SLC7A2: variants seen among roughly 807,000 people sequenced by gnomAD.
SLC7A2 encodes solute carrier family 7 member 2.
In SLC7A2, 48 loss-of-function variants were observed where a neutral mutation model predicts 58.9. That is an observed-to-expected ratio of 0.82 (90% CI 0.65 to 1.04). The LOEUF is 1.04. SLC7A2 is among the 50% of genes least tolerant of loss of function. The probability of loss-of-function intolerance (pLI) is 0.00; values close to 1 mark genes in which losing one functional copy is unlikely to be tolerated. For missense variants in SLC7A2, 1,029 were observed against 818.8 expected, an observed-to-expected ratio of 1.26 and a Z score of -3.13; for synonymous variants, 363 against 314.5, an observed-to-expected ratio of 1.15 and a Z score of -1.63.
chr8:17,522,749 G>T (rs1801066208), intron 2 of SLC7A2, among the ~76,000 whole-genome samples: 1 of 152,036 alleles, frequency 6.6e-6, no homozygotes. Flanking sequence ...TTTAAAAGAG[G>T]GGTTGGCTGG....
At chr8:17,538,725 TG>T in intron 2 of SLC7A2, 2 of 1,410,392 alleles carry the variant, frequency 1.4e-6, no homozygotes, top group Non-Finnish European at 1.9e-6. Context: ...AAAAACAGTA[TG>T]GTAAAGATCC....
Position 17,551,883 on chromosome 8 carries a change from C to G in SLC7A2, c.952C>G (p.Leu318Val), listed in dbSNP as rs546256741. Residue 318 changes from leucine to valine, a missense_variant, in exon 7 of 13, where the codon CTC becomes GTC. Transcript: ENST00000494857. The part of the protein sequence containing the change: ...AALTLMMPYY[L>V]LDEKSPLPVA... ...TTTAACACTTATGATGCCGTACTAC[C>G]TCCTCGATGAAAAAAGCCCCCTTCC... is the stretch of plus-strand genomic sequence containing the variant. The G allele has an allele frequency of 6.8e-6, 11 of 1,613,872 alleles. No homozygotes were observed. In the African/African-American group the frequency reaches 9.3e-5, roughly 14 times the overall value.
intron 2 of SLC7A2, among the ~76,000 whole-genome samples, chr8:17,523,193 C>A (rs576903257): frequency 6.6e-6 from 1 of 151,932 alleles, no homozygotes; most frequent in Non-Finnish European, 1.5e-5. Flanking sequence ...AATGACCATA[C>A]GGCCAAAAGT....
Position 17,531,383 on chromosome 8 carries a change from A to G in SLC7A2, c.-22-11935A>G, listed in dbSNP as rs574378802. ...TTTCGTTTTGGGGTAACAAAAGATT[A>G]AAAAATGAGTGTTGTTAAAAAGAAA... On this transcript the variant is annotated intron_variant, in intron 2 of 12. Transcript: ENST00000494857. Among the ~76,000 whole-genome samples, 57 of 152,328 alleles carry G rather than the reference A, an allele frequency of 3.7e-4. 1 individual carries two copies. In the South Asian group the frequency reaches 0.011, roughly 30 times the overall value.
chr8:17,512,484 T>A (rs1425158769), intron 2 of SLC7A2, among the ~76,000 whole-genome samples: 1 of 152,002 alleles, frequency 6.6e-6, no homozygotes, highest in African/African-American at 2.4e-5. Context: ...GAGGTGGAGA[T>A]TGCACTGAGG....
At chr8:17,563,381 T>C (rs1803113224) in intron 11 of SLC7A2, among the ~76,000 whole-genome samples, 1 of 152,146 alleles carries the variant, frequency 6.6e-6, no homozygotes, top group African/African-American at 2.4e-5. Flanking sequence ...ATTATTTTGA[T>C]TGTGCAGGTG....
intron 2 of SLC7A2, among the ~76,000 whole-genome samples, chr8:17,512,595 A>G (rs1800650128): frequency 6.9e-6 from 1 of 145,638 alleles, no homozygotes; most frequent in Non-Finnish European, 1.5e-5. Flanking sequence ...TGAAAAATAT[A>G]TAACCTTTCT....
upstream of SLC7A2, among the ~76,000 whole-genome samples, chr8:17,496,416 A>T (rs2150627012): frequency 6.6e-6 from 1 of 152,338 alleles, no homozygotes; most frequent in Middle Eastern, 3.4e-3. Flanking sequence ...ATGAAAATTA[A>T]CAGGCTTTCA....
intron 2 of SLC7A2, among the ~76,000 whole-genome samples, chr8:17,515,542 C>A (rs1255641134): frequency 1.3e-5 from 2 of 152,148 alleles, no homozygotes; most frequent in African/African-American, 4.8e-5. Flanking sequence ...GATCTGCCTG[C>A]CTGACCTCCC....
chr8:17,508,030 A>G (rs1050948739), intron 2 of SLC7A2, among the ~76,000 whole-genome samples: 2 of 152,078 alleles, frequency 1.3e-5, no homozygotes, highest in African/African-American at 2.4e-5. Flanking sequence ...TAGGGTTTCA[A>G]CCTCATAAAT....
intron 2 of SLC7A2, among the ~76,000 whole-genome samples, chr8:17,537,607 G>A (rs530870128): frequency 3.3e-5 from 5 of 152,258 alleles, no homozygotes; most frequent in African/African-American, 1.2e-4. Context: ...GCAGTGGCGG[G>A]ATCCCAGGTA....
rs778468720 is a variant in SLC7A2, at chr8:17,567,597, G to A, written c.*2451G>A. 2 of 152,538 alleles carry A rather than the reference G, an allele frequency of 1.3e-5. No homozygotes were observed. Among genetic ancestry groups the A allele is most frequent in the Non-Finnish European group, 2.9e-5 (2 of 68,020 alleles). 9.4% of individuals were successfully genotyped at this position (152,538 alleles called of 1,614,324 possible). A position where few individuals can be genotyped will look rare whatever the true frequency, so the allele number is the denominator to read the frequency against. On this transcript the variant is annotated 3_prime_UTR_variant, in exon 13 of 13. Coordinates refer to ENST00000494857, the MANE Select transcript of SLC7A2 (RefSeq NM_001370338.1). Reference sequence around the variant, plus strand: ...ATATCTGTGTGTGTGTATCTCTAACGTCAGTGTATAAGTAAGTTGGGTTTA... The same window carrying A: ...ATATCTGTGTGTGTGTATCTCTAACATCAGTGTATAAGTAAGTTGGGTTTA...
Position 17,543,497 on chromosome 8 carries a change from A to G in SLC7A2, c.158A>G (p.Tyr53Cys). 6.2e-7 allele frequency: 1 copy of G among 1,614,010 alleles called. No individual in the cohort carries two copies. Among genetic ancestry groups the G allele is most frequent in the Non-Finnish European group, 8.5e-7 (1 of 1,179,976 alleles). The change falls in exon 3 of 13, where the codon TAT (tyrosine) becomes TGT (cysteine). Residue 53 changes from tyrosine (Y) to cysteine (C), a missense_variant. By Grantham distance (194) the Tyr-to-Cys change is radical. Coordinates refer to ENST00000494857, the MANE Select transcript of SLC7A2 (RefSeq NM_001370338.1). ...GVGSTLGAGVYVLAGEVAKAD... is the reference protein window; with the variant it reads ...GVGSTLGAGVCVLAGEVAKAD... Reference sequence around the variant, plus strand: ...GGAAGCACCCTTGGGGCCGGGGTTTATGTCCTCGCTGGGGAGGTGGCCAAG... The same window carrying G: ...GGAAGCACCCTTGGGGCCGGGGTTTGTGTCCTCGCTGGGGAGGTGGCCAAG...
At chr8:17,525,304 G>A (rs1271553155) in intron 2 of SLC7A2, among the ~76,000 whole-genome samples, 1 of 152,132 alleles carries the variant, frequency 6.6e-6, no homozygotes, top group Non-Finnish European at 1.5e-5. Context: ...ATGCTAATTT[G>A]CTTGCCTGTC....
intron 2 of SLC7A2, among the ~76,000 whole-genome samples, chr8:17,536,997 C>G (rs1801694879): frequency 6.6e-6 from 1 of 152,196 alleles, no homozygotes; most frequent in Non-Finnish European, 1.5e-5. Context: ...TGCCTCCCTG[C>G]TGGGGCAGCT....
intron 2 of SLC7A2, among the ~76,000 whole-genome samples, chr8:17,526,519 T>G (rs891136205): frequency 6.6e-6 from 1 of 152,258 alleles, no homozygotes; most frequent in South Asian, 2.1e-4. Flanking sequence ...CAATTTCAGG[T>G]CTGGATGAAT....
rs745881282 is a variant in SLC7A2 at position 17,565,145 on chromosome 8, A to C, written c.1976A>C (p.Ter659SerextTer11). The C allele has an allele frequency of 1.2e-6, 2 of 1,609,314 alleles. No homozygotes were observed. The highest frequency in any genetic ancestry group is 1.7e-6 in the Non-Finnish European group (2 of 1,176,482). Reference sequence around the variant, plus strand: ...TTCCATGAAAAGACAAGTGAATTCTAACACTTGCAGGAGCAGAGCTGGTCA... The same window carrying C: ...TTCCATGAAAAGACAAGTGAATTCTCACACTTGCAGGAGCAGAGCTGGTCA... The part of the protein sequence containing the change: ...FIFHEKTSEF[*>S] Residue 659 changes from the stop codon to serine, a stop_lost, in exon 13 of 13, where the codon TAA (stop) becomes TCA (serine). Transcript: ENST00000494857.
rs371734086 is a variant in SLC7A2, at chr8:17,551,914, C to G, written c.983C>G (p.Ala328Gly). The G allele has an allele frequency of 1.5e-5, 25 of 1,613,822 alleles. No individual in the cohort carries two copies. The highest frequency in any genetic ancestry group is 2.1e-5 in the Non-Finnish European group (25 of 1,180,014). ...LLDEKSPLPVAFEYVGWGPAK... is the reference protein window; with the variant it reads ...LLDEKSPLPVGFEYVGWGPAK... The stretch of plus-strand genomic sequence containing the variant: ...GATGAAAAAAGCCCCCTTCCTGTAG[C>G]GTTTGAATATGTGGGATGGGGTCCT... The change falls in exon 7 of 13, where the codon GCG (alanine) becomes GGG (glycine). Residue 328 changes from alanine to glycine, a missense_variant. Ala to Gly is a moderately conservative substitution (Grantham distance 60, BLOSUM62 0). Coordinates refer to ENST00000494857, the MANE Select transcript of SLC7A2 (RefSeq NM_001370338.1).
intron 5 of SLC7A2, 50 bp downstream of exon 5, chr8:17,548,893 T>G: frequency 6.9e-7 from 1 of 1,455,398 alleles, no homozygotes; most frequent in Non-Finnish European, 9.5e-7. Flanking sequence ...AAGAAAATAT[T>G]TTAAGTGGGT....
Sources: gnomAD v4.1 joint callset for allele counts (sites outside exome capture counted in the v4.1 genomes callset) on GRCh38, gnomAD v4.1.1 for gene constraint, MANE v1.5 for transcripts, NCBI Gene and HGNC (gene_info 2026-07-23, HGNC 2026-07-21) for gene names.